Variants in TFPI observed in about 807,000 individuals in gnomAD.
The protein encoded by TFPI is tissue factor pathway inhibitor.
In TFPI, 15 loss-of-function variants were observed where a neutral mutation model predicts 34.6. That is an observed-to-expected ratio of 0.43 (90% CI 0.29 to 0.67). TFPI has a LOEUF of 0.67. Among genes scored for constraint, TFPI ranks in the 30% least tolerant of loss-of-function variants. The probability of loss-of-function intolerance (pLI) is 0.15; values close to 1 mark genes in which losing one functional copy is unlikely to be tolerated. For missense variants in TFPI, 301 were observed against 364.0 expected (o/e 0.83, Z 1.41); for synonymous variants, 105 against 120.1 (o/e 0.87, Z 0.82).
At chr2:187,478,783 C>T (rs755810095) in intron 6 of TFPI, 2 of 1,612,950 alleles carry the variant, frequency 1.2e-6, no homozygotes, top group South Asian at 2.2e-5. Flanking sequence ...TTCCAACCAT[C>T]ATTTGTTCCT....
At position 187,467,914 on chromosome 2, in the gene TFPI, C is replaced by T; in HGVS notation, c.647G>A (p.Trp216Ter). The T allele has an allele frequency of 6.3e-7, 1 of 1,580,586 alleles. No homozygotes were observed. Among genetic ancestry groups the T allele is most frequent in the Non-Finnish European group, 8.6e-7 (1 of 1,166,346 alleles). ...PSLFEFHGPSWCLTPADRGLC... is the reference protein window; with the variant it reads ...PSLFEFHGPS ...TCCTCTGTCTGCTGGAGTGAGACAC[C>T]ATGAGGGACCGTGAAATTCTAAAAA... Residue 216 changes from tryptophan (W) to a stop codon, truncating the protein, a stop_gained, in exon 7 of 8, where the codon TGG becomes TAG. Transcript: ENST00000233156. LOFTEE classifies it high-confidence loss of function.
At chr2:187,525,664 CATT>C (rs1354829606) in intron 1 of TFPI, among the ~76,000 whole-genome samples, 2 of 152,034 alleles carry the variant, frequency 1.3e-5, no homozygotes, top group Non-Finnish European at 2.9e-5. Context: ...TAAATGATGT[CATT>C]GTTGTTGAGT....
chr2:187,541,084 A>G (rs774741819), intron 1 of TFPI, among the ~76,000 whole-genome samples: 1 of 152,118 alleles, frequency 6.6e-6, no homozygotes, highest in Non-Finnish European at 1.5e-5. Flanking sequence ...TCCATATTTC[A>G]TAACATCACA....
intron 6 of TFPI, chr2:187,478,597 T>C: frequency 6.6e-7 from 1 of 1,512,300 alleles, no homozygotes. Flanking sequence ...CATGTAAATA[T>C]TAAAACTTTA....
intron 1 of TFPI, among the ~76,000 whole-genome samples, chr2:187,546,369 T>C (rs1688863788): frequency 6.6e-6 from 1 of 151,360 alleles, no homozygotes. Flanking sequence ...ATTTCCATAC[T>C]AACTAAATTT....
chr2:187,467,647 C>T, intron 7 of TFPI, 106 bp downstream of exon 7: 1 of 1,036,154 alleles, frequency 9.7e-7, no homozygotes, highest in South Asian at 2.9e-5. Context: ...CTAGATTATA[C>T]TTTCTTATAA....
At chr2:187,486,945 G>T (rs897060670) in intron 4 of TFPI, among the ~76,000 whole-genome samples, 3 of 151,528 alleles carry the variant, frequency 2.0e-5, no homozygotes, top group African/African-American at 7.2e-5. Context: ...ACTCGAAATT[G>T]ATCAAGTCTT....
chr2:187,495,232 A>G (rs1051129322), intron 3 of TFPI, among the ~76,000 whole-genome samples: 3 of 152,246 alleles, frequency 2.0e-5, no homozygotes, highest in African/African-American at 4.8e-5. Context: ...AAGAACAGGT[A>G]TATATTTCAG....
At chr2:187,542,607 A>G (rs1688640609) in intron 1 of TFPI, among the ~76,000 whole-genome samples, 1 of 152,190 alleles carries the variant, frequency 6.6e-6, no homozygotes, top group East Asian at 1.9e-4. Context: ...GCTGCGGCTC[A>G]TGCCTGTAAT....
At position 187,466,115 on chromosome 2, in the gene TFPI, T is replaced by C. The variant is rs1691709918; in HGVS notation, c.*821A>G. 6.6e-6 allele frequency: 1 copy of C among 152,228 alleles called. No individual in the cohort carries two copies. The highest frequency in any genetic ancestry group is 2.1e-4 in the South Asian group (1 of 4,832). 9.4% of individuals were successfully genotyped at this position (152,228 alleles called of 1,614,324 possible). A position where few individuals can be genotyped will look rare whatever the true frequency, so the allele number is the denominator to read the frequency against. On this transcript the variant is annotated 3_prime_UTR_variant, in exon 8 of 8. Transcript: ENST00000233156. ...AGATTTCAGAAGGTTTAAATATTTT[T>C]GTTATTTTTAGTAAGAAAAAATATT...
At chr2:187,553,249 G>A (rs747556994) in intron 1 of TFPI, among the ~76,000 whole-genome samples, 11 of 151,624 alleles carry the variant, frequency 7.3e-5, no homozygotes, top group Non-Finnish European at 1.6e-4. Flanking sequence ...TGACTCTCTG[G>A]GCAGTATGTT....
chr2:187,477,094 C>A (rs1176242958), intron 6 of TFPI, among the ~76,000 whole-genome samples: 2 of 151,988 alleles, frequency 1.3e-5, no homozygotes, highest in Non-Finnish European at 2.9e-5. Flanking sequence ...ATGACTGGGG[C>A]AACAAATTAT....
chr2:187,493,536 T>C (rs976835864), intron 3 of TFPI, among the ~76,000 whole-genome samples: 1 of 152,222 alleles, frequency 6.6e-6, no homozygotes. Context: ...CTTGAATTTT[T>C]CCTCAGAGAA....
At chr2:187,507,245 T>A (rs1686286615) in intron 1 of TFPI, among the ~76,000 whole-genome samples, 1 of 152,210 alleles carries the variant, frequency 6.6e-6, no homozygotes, top group Admixed American at 6.5e-5. Flanking sequence ...AACACATCCT[T>A]TTTTATGTCT....
chr2:187,473,328 T>C (rs946242113), intron 6 of TFPI, among the ~76,000 whole-genome samples: 1 of 152,104 alleles, frequency 6.6e-6, no homozygotes, highest in Non-Finnish European at 1.5e-5. Context: ...TACAAAAAGA[T>C]ACTTTTATGC....
At chr2:187,471,114 A>G (rs1261383926) in intron 6 of TFPI, among the ~76,000 whole-genome samples, 1 of 152,198 alleles carries the variant, frequency 6.6e-6, no homozygotes, top group Non-Finnish European at 1.5e-5. Flanking sequence ...GAGGTTTTTA[A>G]AGATGCAATA....
At chr2:187,542,607 A>T (rs1688640609) in intron 1 of TFPI, among the ~76,000 whole-genome samples, 1 of 152,190 alleles carries the variant, frequency 6.6e-6, no homozygotes, top group Non-Finnish European at 1.5e-5. Flanking sequence ...GCTGCGGCTC[A>T]TGCCTGTAAT....
chr2:187,522,923 TA>T (rs1687482784), intron 1 of TFPI, among the ~76,000 whole-genome samples: 1 of 147,282 alleles, frequency 6.8e-6, no homozygotes, highest in East Asian at 2.0e-4. Context: ...AATAAATAAA[TA>T]AATAAATAAT....
chr2:187,511,933 G>C (rs182346837), intron 1 of TFPI, among the ~76,000 whole-genome samples: 1 of 151,286 alleles, frequency 6.6e-6, no homozygotes, highest in Non-Finnish European at 1.5e-5. Context: ...GAGAGAGAGA[G>C]ATATACAAGT....
Sources: allele counts gnomAD v4.1 joint callset (sites outside exome capture counted in the v4.1 genomes callset), GRCh38; gene constraint gnomAD v4.1.1; transcripts MANE v1.5; gene names NCBI Gene and HGNC (gene_info 2026-07-23, HGNC 2026-07-21).